GALNT18: variants seen among roughly 807,000 people sequenced by gnomAD.
GALNT18 encodes polypeptide N-acetylgalactosaminyltransferase 18.
Under a neutral mutation model 69.5 loss-of-function variants are expected in GALNT18, and 44 were observed. The observed-to-expected ratio is 0.63, with a 90% CI of 0.50 to 0.81. The LOEUF (loss-of-function observed/expected upper bound fraction) is 0.81, where lower values mean the gene tolerates loss of function less well. Ranked by LOEUF, GALNT18 falls within the 40% of genes least tolerant of loss-of-function variation. GALNT18 has a pLI of 0.00. For synonymous variants in GALNT18, 364 were observed against 318.2 expected (o/e 1.14, Z -1.53); for missense variants, 715 against 810.0 (o/e 0.88, Z 1.42).
In GALNT18 at chr11:11,621,984, C is replaced by T. The variant is rs560144343; in HGVS notation, c.-391G>A. The T allele has an allele frequency of 4.4e-4, 75 of 169,556 alleles. No homozygotes were observed. The East Asian group carries it at 8.9e-3, about 20-fold the overall frequency. 10.5% of individuals were successfully genotyped at this position (169,556 alleles called of 1,614,324 possible). A position where few individuals can be genotyped will look rare whatever the true frequency, so the allele number is the denominator to read the frequency against. On this transcript the variant is annotated 5_prime_UTR_variant, in exon 1 of 11. Transcript: ENST00000227756. This position sits in a 1 kb window ranked among gnomAD's most constrained non-coding sequence, Gnocchi z 9.3. Reference sequence around the variant, plus strand: ...CCGGCTGCCTTGGCGGTCCGACCGGCCCGCGCTGCTAGGAGAACAGCGGCA... The same window carrying T: ...CCGGCTGCCTTGGCGGTCCGACCGGTCCGCGCTGCTAGGAGAACAGCGGCA...
At chr11:11,285,999 A>G (rs908021640) in intron 10 of GALNT18, among the ~76,000 whole-genome samples, 3 of 152,130 alleles carry the variant, frequency 2.0e-5, no homozygotes, top group Non-Finnish European at 4.4e-5. Flanking sequence ...TCCTGGCATT[A>G]ACAGACATCT....
Position 11,338,397 on chromosome 11 carries a change from G to A in GALNT18, c.1278+2422C>T, listed in dbSNP as rs1850149045. 6.6e-6 allele frequency among the ~76,000 whole-genome samples: 1 copy of A among 151,954 alleles called. No individual in the cohort carries two copies. Among genetic ancestry groups the A allele is most frequent in the Non-Finnish European group, 1.5e-5 (1 of 67,900 alleles). ...CCAGGAAAACCAGCTGAAGCTTGTG[G>A]CAGAGAAAAAAACAGGGCCTGAATG... On this transcript the variant is annotated intron_variant, in intron 7 of 10. Coordinates refer to ENST00000227756, the MANE Select transcript of GALNT18 (RefSeq NM_198516.3). This position sits in a 1 kb window ranked among gnomAD's most constrained non-coding sequence, Gnocchi z 5.3.
intron 1 of GALNT18, among the ~76,000 whole-genome samples, chr11:11,533,712 A>G (rs1465986011): frequency 1.3e-5 from 2 of 152,218 alleles, no homozygotes; most frequent in Non-Finnish European, 2.9e-5. Flanking sequence ...TAACTAAGTT[A>G]TGGATAAAAG....
At chr11:11,615,082 T>G (rs541999475) in intron 1 of GALNT18, among the ~76,000 whole-genome samples, 1 of 152,290 alleles carries the variant, frequency 6.6e-6, no homozygotes, top group East Asian at 1.9e-4. Flanking sequence ...ATGCAACAGT[T>G]CATTCCAGAG....
At chr11:11,391,696 G>T (rs952253966) in intron 3 of GALNT18, among the ~76,000 whole-genome samples, 1 of 152,234 alleles carries the variant, frequency 6.6e-6, no homozygotes, top group Non-Finnish European at 1.5e-5. Flanking sequence ...GGGGGCCAGG[G>T]TATTTATATA....
chr11:11,373,442 T>C (rs981635710), intron 5 of GALNT18, among the ~76,000 whole-genome samples: 5 of 152,182 alleles, frequency 3.3e-5, no homozygotes, highest in African/African-American at 1.2e-4. Context: ...CAGGTGACAG[T>C]GGGTTGGAGA....
At chr11:11,301,067 C>T (rs1849485774) in intron 9 of GALNT18, among the ~76,000 whole-genome samples, 1 of 152,078 alleles carries the variant, frequency 6.6e-6, no homozygotes, top group Non-Finnish European at 1.5e-5. Context: ...TAGGCAGGGA[C>T]GAGGGTATCC....
At position 11,291,853 on chromosome 11, in the gene GALNT18, G is replaced by T. The variant is rs117381390; in HGVS notation, c.1677+1176C>A. Among the ~76,000 whole-genome samples, 460 of 152,296 alleles carry T rather than the reference G, an allele frequency of 3.0e-3. 2 individuals are homozygous for T. Among genetic ancestry groups the T allele is most frequent in the South Asian group, 0.011 (55 of 4,818 alleles). On this transcript the variant is annotated intron_variant, in intron 10 of 10. Transcript: ENST00000227756. Reference sequence around the variant, plus strand: ...GTTTATTTAGGACCTAAGAGTCTCTGTAAGTGCTCTAATTCTGCACACCCA... The same window carrying T: ...GTTTATTTAGGACCTAAGAGTCTCTTTAAGTGCTCTAATTCTGCACACCCA...
chr11:11,510,690 C>A (rs1857149018), intron 1 of GALNT18, among the ~76,000 whole-genome samples: 1 of 152,192 alleles, frequency 6.6e-6, no homozygotes, highest in South Asian at 2.1e-4. Context: ...GCTACTGTGC[C>A]ACTTTTCACA....
intron 6 of GALNT18, among the ~76,000 whole-genome samples, chr11:11,343,884 G>A (rs773471556): frequency 2.9e-4 from 44 of 152,100 alleles, no homozygotes; most frequent in Non-Finnish European, 2.4e-4. Context: ...TCCTCCCATC[G>A]TGCCTTTAGA....
In GALNT18 at chr11:11,463,295, C is replaced by T. The variant is rs758719649; in HGVS notation, c.236-14359G>A. ...AAGCTCATCCTGAAAACAGATTCTTCTAGTCCCAAGTGGTTGCTCACTGCT... is the reference window on the plus strand; with the variant it reads ...AAGCTCATCCTGAAAACAGATTCTTTTAGTCCCAAGTGGTTGCTCACTGCT... On this transcript the variant is annotated intron_variant, in intron 1 of 10. Coordinates refer to ENST00000227756, the MANE Select transcript of GALNT18 (RefSeq NM_198516.3). This position sits in a 1 kb window ranked among gnomAD's most constrained non-coding sequence, Gnocchi z 4.2. Among the ~76,000 whole-genome samples, 1 of 152,142 alleles carries T rather than the reference C, an allele frequency of 6.6e-6. No individual in the cohort carries two copies. Among genetic ancestry groups the T allele is most frequent in the Non-Finnish European group, 1.5e-5 (1 of 68,022 alleles).
At position 11,463,701 on chromosome 11, in the gene GALNT18, G is replaced by A. The variant is rs1323956340; in HGVS notation, c.236-14765C>T. Among the ~76,000 whole-genome samples, 2 of 152,184 alleles carry A rather than the reference G, an allele frequency of 1.3e-5. No homozygotes were observed. The highest frequency in any genetic ancestry group is 2.9e-5 in the Non-Finnish European group (2 of 68,040). On this transcript the variant is annotated intron_variant, in intron 1 of 10. Transcript: ENST00000227756. This position sits in a 1 kb window ranked among gnomAD's most constrained non-coding sequence, Gnocchi z 4.2. Reference sequence around the variant, plus strand: ...AACAAACAGGCCCTCCCAACCCCAGGCCCTGGCAGGATAGGGAAAGGCTTT... The same window carrying A: ...AACAAACAGGCCCTCCCAACCCCAGACCCTGGCAGGATAGGGAAAGGCTTT...
chr11:11,380,773 A>G (rs1251144930), intron 3 of GALNT18, among the ~76,000 whole-genome samples: 2 of 152,222 alleles, frequency 1.3e-5, no homozygotes, highest in African/African-American at 4.8e-5. Context: ...CAGCCTTTCT[A>G]AAGATTTCCA....
At position 11,555,967 on chromosome 11, in the gene GALNT18, C is replaced by T. The variant is rs1858323630; in HGVS notation, c.235+65392G>A. On this transcript the variant is annotated intron_variant, in intron 1 of 10. Coordinates refer to ENST00000227756, the MANE Select transcript of GALNT18 (RefSeq NM_198516.3). This position sits in a 1 kb window ranked among gnomAD's most constrained non-coding sequence, Gnocchi z 4.7. ...CTTTCCCTTATTTCCTCTGAGTCCT[C>T]TAACCGAGATCAGACTTAAGTCAAC... Among the ~76,000 whole-genome samples the T allele has an allele frequency of 6.6e-6, 1 of 152,200 alleles. No individual in the cohort carries two copies. Among genetic ancestry groups the T allele is most frequent in the Non-Finnish European group, 1.5e-5 (1 of 68,030 alleles).
intron 9 of GALNT18, among the ~76,000 whole-genome samples, chr11:11,294,541 C>T (rs1421019714): frequency 1.3e-5 from 2 of 151,952 alleles, no homozygotes; most frequent in East Asian, 3.9e-4. Flanking sequence ...CTGCAAACTC[C>T]TTTCTGCACA....
Position 11,482,085 on chromosome 11 carries a change from C to T in GALNT18, c.236-33149G>A, listed in dbSNP as rs542802727. ...GGCTACGGGCCTCCTGAGCAGGATC[C>T]TTGTCTCCCAGGGCTGAGGCCCATA... On this transcript the variant is annotated intron_variant, in intron 1 of 10. Coordinates refer to ENST00000227756, the MANE Select transcript of GALNT18 (RefSeq NM_198516.3). 2.6e-5 allele frequency among the ~76,000 whole-genome samples: 4 copies of T among 152,332 alleles called. No homozygotes were observed. The East Asian group carries it at 7.7e-4, about 29-fold the overall frequency.
intron 1 of GALNT18, among the ~76,000 whole-genome samples, chr11:11,593,403 T>C (rs7129644): frequency 0.013 from 1,905 of 152,318 alleles, 37 homozygotes; most frequent in African/African-American, 0.044. Flanking sequence ...AAGCCCATAC[T>C]AAATCCTTTC....
rs766652380 is a variant in GALNT18, at chr11:11,459,265, G to T, written c.236-10329C>A. ...CCCACAATTAGGCTTTCTCTTCCTG[G>T]AATCCTCAGAGCTGCCAAAAGAACG... On this transcript the variant is annotated intron_variant, in intron 1 of 10. Transcript: ENST00000227756. The surrounding 1 kb of genome is among the most constrained non-coding windows in gnomAD (Gnocchi z 5.0). Among the ~76,000 whole-genome samples, 3 of 152,138 alleles carry T rather than the reference G, an allele frequency of 2.0e-5. No homozygotes were observed. Among genetic ancestry groups the T allele is most frequent in the Non-Finnish European group, 4.4e-5 (3 of 68,036 alleles).
intron 9 of GALNT18, among the ~76,000 whole-genome samples, chr11:11,316,077 T>C (rs911088287): frequency 2.0e-5 from 3 of 152,116 alleles, no homozygotes; most frequent in Non-Finnish European, 4.4e-5. Context: ...AATGCAGAGC[T>C]GGAGGTGACC....
Sources: gnomAD v4.1 joint callset for allele counts (sites outside exome capture counted in the v4.1 genomes callset) on GRCh38, gnomAD v4.1.1 for gene constraint, Gnocchi (gnomAD v3.1) non-coding constraint, MANE v1.5 for transcripts, NCBI Gene and HGNC (gene_info 2026-07-23, HGNC 2026-07-21) for gene names.